The following TEX29 variants were observed in gnomAD, a reference collection of about 807,000 sequenced individuals.
TEX29 encodes testis expressed 29, also known as testis-expressed protein 29.
Under a neutral mutation model 18.2 loss-of-function variants are expected in TEX29, and 26 were observed. The observed-to-expected ratio is 1.43, with a 90% CI of 1.04 to 1.98. The LOEUF (loss-of-function observed/expected upper bound fraction) is 1.98, where lower values mean the gene tolerates loss of function less well. Among genes scored for constraint, TEX29 ranks in the 30% most tolerant of loss-of-function variants. TEX29 has a pLI of 0.00. For missense variants in TEX29, 177 were observed against 194.2 expected (o/e 0.91, Z 0.53); for synonymous variants, 83 against 78.5 (o/e 1.06, Z -0.31).
chr13:111,338,783 C>T (rs1261739123), intron 3 of TEX29, among the ~76,000 whole-genome samples: 2 of 152,210 alleles, frequency 1.3e-5, no homozygotes, highest in Non-Finnish European at 2.9e-5. Context: ...ACTTTACTTG[C>T]ATTCATTAAA....
chr13:111,336,776 G>A (rs2093690132), intron 3 of TEX29, among the ~76,000 whole-genome samples: 1 of 152,180 alleles, frequency 6.6e-6, no homozygotes, highest in South Asian at 2.1e-4. Flanking sequence ...TTTATGATAA[G>A]CCAAAGATAT....
chr13:111,343,076 T>C (rs1251301638), intron 5 of TEX29, 145 bp downstream of exon 5: 2 of 1,013,738 alleles, frequency 2.0e-6, no homozygotes, highest in African/African-American at 3.2e-5. Context: ...AAAATTGTAA[T>C]GTACCCAACA....
chr13:111,321,060 C>T lies in TEX29; in HGVS notation c.58+112C>T. The T allele has an allele frequency of 3.9e-6, 5 of 1,268,348 alleles. No individual in the cohort carries two copies. The South Asian group carries it at 5.5e-5, about 14-fold the overall frequency. 78.6% of individuals were successfully genotyped at this position (1,268,348 alleles called of 1,614,324 possible). On this transcript the variant is annotated intron_variant, in intron 2 of 5. Coordinates refer to ENST00000283547, the MANE Select transcript of TEX29 (RefSeq NM_152324.3). ...CGGACAGGGGGTCCTGGTCCCAGACCTGGCTAGGAGGGCAAGGCAGCAAAA... is the reference window on the plus strand; with the variant it reads ...CGGACAGGGGGTCCTGGTCCCAGACTTGGCTAGGAGGGCAAGGCAGCAAAA...
At chr13:111,318,321 A>C (rs1028468466), upstream of TEX29, among the ~76,000 whole-genome samples, 1 of 152,224 alleles carries the variant, frequency 6.6e-6, no homozygotes, top group South Asian at 2.1e-4. Flanking sequence ...AAGACTGCAC[A>C]GTCTACCCCT....
chr13:111,321,571 T>C (rs1359336015), intron 2 of TEX29, among the ~76,000 whole-genome samples: 2 of 152,074 alleles, frequency 1.3e-5, no homozygotes, highest in South Asian at 2.1e-4. Flanking sequence ...AATGTTTTTT[T>C]CTCAATGGAT....
chr13:111,332,809 A>G (rs1187759481), intron 3 of TEX29, among the ~76,000 whole-genome samples: 1 of 152,028 alleles, frequency 6.6e-6, no homozygotes, highest in Non-Finnish European at 1.5e-5. Context: ...CTTTTTCTGC[A>G]TCTATTGAGC....
chr13:111,335,958 G>A (rs2093689119), intron 3 of TEX29, among the ~76,000 whole-genome samples: 1 of 152,214 alleles, frequency 6.6e-6, no homozygotes, highest in Admixed American at 6.5e-5. Flanking sequence ...GTGTTGGCAT[G>A]TATGTCGAAC....
At chr13:111,334,066 A>G (rs1371348623) in intron 3 of TEX29, among the ~76,000 whole-genome samples, 2 of 152,186 alleles carry the variant, frequency 1.3e-5, no homozygotes, top group East Asian at 1.9e-4. Context: ...AGTAAGTCCA[A>G]TGTCTGTGCT....
intron 3 of TEX29, among the ~76,000 whole-genome samples, chr13:111,330,677 A>C (rs1040426956): frequency 2.0e-5 from 3 of 152,216 alleles, no homozygotes; most frequent in African/African-American, 7.2e-5. Context: ...CTAACTCCAG[A>C]ACATTTGTAC....
chr13:111,320,297 G>A (rs1478339387), upstream of TEX29, among the ~76,000 whole-genome samples: 2 of 152,236 alleles, frequency 1.3e-5, no homozygotes, highest in African/African-American at 4.8e-5. Flanking sequence ...GTTCTCTGCT[G>A]CACCCAGTGC....
rs2093662547 is a variant in TEX29, at chr13:111,320,723, A to G, written c.-74A>G. On this transcript the variant is annotated 5_prime_UTR_variant, in exon 1 of 6. Transcript: ENST00000283547. ...TCCACGTGGAGTGGGACTGAGAGGC[A>G]CAGGTGGCTGAGGGGACCCGCCTGG... 1.3e-6 allele frequency: 1 copy of G among 756,174 alleles called. No homozygotes were observed. Among genetic ancestry groups the G allele is most frequent in the Non-Finnish European group, 2.4e-6 (1 of 425,270 alleles). 46.8% of individuals were successfully genotyped at this position (756,174 alleles called of 1,614,324 possible). A position where few individuals can be genotyped will look rare whatever the true frequency, so the allele number is the denominator to read the frequency against.
chr13:111,326,138 G>A (rs1387146056), intron 2 of TEX29, among the ~76,000 whole-genome samples: 1 of 152,274 alleles, frequency 6.6e-6, no homozygotes, highest in East Asian at 1.9e-4. Context: ...CTTCCCAGAT[G>A]GGGTGGAAGA....
In TEX29 at chr13:111,322,459, T is replaced by C. The variant is rs115973609; in HGVS notation, c.58+1511T>C. Among the ~76,000 whole-genome samples, 398 of 152,332 alleles carry C rather than the reference T, an allele frequency of 2.6e-3. 4 individuals carry two copies. Among genetic ancestry groups the C allele is most frequent in the African/African-American group, 9.3e-3 (385 of 41,576 alleles). On this transcript the variant is annotated intron_variant, in intron 2 of 5. Transcript: ENST00000283547. ...TCAGGGCTGTAAGCAGTGCAGCTGT[T>C]GTGTGTACAAGCTGCTGCTGCTGGG...
chr13:111,318,948 T>G (rs1053717311), upstream of TEX29, among the ~76,000 whole-genome samples: 1 of 152,184 alleles, frequency 6.6e-6, no homozygotes, highest in Admixed American at 6.5e-5. Context: ...GTGTGGCAGA[T>G]TTGCTGTCCT....
At chr13:111,322,369 G>A (rs2093666203) in intron 2 of TEX29, among the ~76,000 whole-genome samples, 1 of 152,258 alleles carries the variant, frequency 6.6e-6, no homozygotes, top group African/African-American at 2.4e-5. Flanking sequence ...TGTAGCCAGG[G>A]CAAGCACGGG....
At position 111,339,984 on chromosome 13, in the gene TEX29, T is replaced by A. The variant is rs1171571677; in HGVS notation, c.239+52T>A. 3.5e-5 allele frequency: 54 copies of A among 1,538,392 alleles called. 2 individuals carry two copies. Among genetic ancestry groups the A allele is most frequent in the South Asian group, 5.6e-5 (5 of 89,906 alleles). On this transcript the variant is annotated intron_variant, in intron 4 of 5. Transcript: ENST00000283547. Reference sequence around the variant, plus strand: ...GGGTGGGGAGGAGGGGACTCACCTCTCCTGGCCGCAGCTTCCTGCCTGCCT... The same window carrying A: ...GGGTGGGGAGGAGGGGACTCACCTCACCTGGCCGCAGCTTCCTGCCTGCCT...
upstream of TEX29, among the ~76,000 whole-genome samples, chr13:111,317,190 G>C (rs1035243822): frequency 1.3e-5 from 2 of 152,096 alleles, no homozygotes; most frequent in Non-Finnish European, 2.9e-5. Context: ...AGGCCTGTGG[G>C]TGGTGATGCT....
At chr13:111,318,328 C>A (rs891226901), upstream of TEX29, among the ~76,000 whole-genome samples, 2 of 152,316 alleles carry the variant, frequency 1.3e-5, no homozygotes, top group South Asian at 2.1e-4. Flanking sequence ...CACAGTCTAC[C>A]CCTGCAAACA....
intron 3 of TEX29, among the ~76,000 whole-genome samples, chr13:111,333,909 A>G (rs989652651): frequency 6.6e-6 from 1 of 152,218 alleles, no homozygotes; most frequent in African/African-American, 2.4e-5. Flanking sequence ...ACATGTGAGA[A>G]TTACAATTCG....
Sources: allele counts gnomAD v4.1 joint callset (sites outside exome capture counted in the v4.1 genomes callset), GRCh38; gene constraint gnomAD v4.1.1; transcripts MANE v1.5; gene names NCBI Gene and HGNC (gene_info 2026-07-23, HGNC 2026-07-21).